CTNNA3: variants seen among roughly 807,000 people sequenced by gnomAD.
CTNNA3 encodes the protein catenin alpha 3.
CTNNA3 carries 76 observed loss-of-function variants against 95.7 expected under a neutral mutation model. The observed-to-expected ratio is 0.79, with a 90% CI of 0.66 to 0.96. The LOEUF (loss-of-function observed/expected upper bound fraction) is 0.96, where lower values mean the gene tolerates loss of function less well. Among genes scored for constraint, CTNNA3 ranks in the 40% least tolerant of loss-of-function variants. CTNNA3 has a pLI of 0.00. For synonymous variants in CTNNA3, 431 were observed against 374.4 expected (o/e 1.15, Z -1.74); for missense variants, 1,191 against 1,089.8 (o/e 1.09, Z -1.31).
intron 5 of CTNNA3, among the ~76,000 whole-genome samples, chr10:67,335,099 T>C (rs1841946136): frequency 6.6e-6 from 1 of 152,100 alleles, no homozygotes; most frequent in African/African-American, 2.4e-5. Flanking sequence ...CCACTGTCAG[T>C]ATGGGGTTTC....
intron 7 of CTNNA3, among the ~76,000 whole-genome samples, chr10:66,911,712 C>A (rs951620027): frequency 1.3e-5 from 2 of 152,144 alleles, no homozygotes; most frequent in Admixed American, 1.3e-4. Flanking sequence ...AAAATAATCT[C>A]AAAATCCCAA....
intron 9 of CTNNA3, among the ~76,000 whole-genome samples, chr10:66,625,773 G>C (rs956972346): frequency 3.3e-5 from 5 of 152,116 alleles, no homozygotes; most frequent in Non-Finnish European, 7.4e-5. Flanking sequence ...TCACTCAGCA[G>C]AGAACATAGT....
chr10:67,595,827 T>A (rs753301469), intron 3 of CTNNA3, among the ~76,000 whole-genome samples: 34 of 152,334 alleles, frequency 2.2e-4, no homozygotes, highest in Middle Eastern at 3.4e-3. Context: ...AGTACATACA[T>A]TTTTAGAATA....
At chr10:66,771,720 T>A (rs988056483) in intron 8 of CTNNA3, among the ~76,000 whole-genome samples, 6 of 152,076 alleles carry the variant, frequency 3.9e-5, no homozygotes, top group Non-Finnish European at 7.4e-5. Context: ...GTTTTAGGAA[T>A]AAAAATTAAT....
chr10:67,066,899 T>C (rs1210497890), intron 7 of CTNNA3, among the ~76,000 whole-genome samples: 2 of 152,224 alleles, frequency 1.3e-5, no homozygotes, highest in African/African-American at 4.8e-5. Context: ...GGTAAATTAA[T>C]ATGGAAGTTT....
intron 5 of CTNNA3, among the ~76,000 whole-genome samples, chr10:67,390,426 C>A (rs1001964668): frequency 6.6e-6 from 1 of 152,068 alleles, no homozygotes; most frequent in Non-Finnish European, 1.5e-5. Context: ...GCTTACCAAC[C>A]AAAAAGAGTC....
chr10:67,515,937 C>T (rs921712937), intron 5 of CTNNA3, among the ~76,000 whole-genome samples: 5 of 152,196 alleles, frequency 3.3e-5, no homozygotes, highest in Non-Finnish European at 7.4e-5. Context: ...ATTCCAGATA[C>T]ACATGTTCTT....
At chr10:67,374,337 C>G (rs1843610799) in intron 5 of CTNNA3, among the ~76,000 whole-genome samples, 1 of 152,162 alleles carries the variant, frequency 6.6e-6, no homozygotes, top group Admixed American at 6.5e-5. Flanking sequence ...TTGCCCAACT[C>G]TGTTCTGGAA....
At chr10:67,653,225 C>T (rs1026055035) in intron 1 of CTNNA3, among the ~76,000 whole-genome samples, 4 of 152,148 alleles carry the variant, frequency 2.6e-5, no homozygotes, top group African/African-American at 9.7e-5. Context: ...AGCCAGATCT[C>T]TCAAGAACTC....
chr10:66,229,780 T>C (rs988588061), intron 13 of CTNNA3, among the ~76,000 whole-genome samples: 19 of 152,132 alleles, frequency 1.2e-4, no homozygotes, highest in African/African-American at 4.3e-4. Flanking sequence ...ACTTAGGACA[T>C]TTTTAGCTAT....
chr10:66,313,989 C>T lies in CTNNA3; in HGVS notation c.1733-33368G>A, dbSNP rs1056156706. ...CCTGAATTTGAGACATACAAACTAT[C>T]TCATCCTCCCTGGCCCAGAAACTTT... On this transcript the variant is annotated intron_variant, in intron 12 of 17. Transcript: ENST00000433211. Among the ~76,000 whole-genome samples the T allele has an allele frequency of 3.9e-5, 6 of 152,188 alleles. No individual in the cohort carries two copies. In the South Asian group the frequency reaches 8.3e-4, roughly 21 times the overall value.
intron 12 of CTNNA3, among the ~76,000 whole-genome samples, chr10:66,320,262 G>C (rs2092162721): frequency 6.6e-6 from 1 of 151,896 alleles, no homozygotes; most frequent in Non-Finnish European, 1.5e-5. Flanking sequence ...TCTCCCTCTA[G>C]TTGTGATCTT....
At chr10:66,768,632 T>C (rs1026882594) in intron 8 of CTNNA3, among the ~76,000 whole-genome samples, 2 of 152,184 alleles carry the variant, frequency 1.3e-5, no homozygotes, top group Non-Finnish European at 2.9e-5. Flanking sequence ...AGTAAATATT[T>C]CTGGAAACCA....
At chr10:67,735,639 AAAAG>A (rs764961123) in intron 1 of CTNNA3, among the ~76,000 whole-genome samples, 13 of 152,200 alleles carry the variant, frequency 8.5e-5, no homozygotes, top group South Asian at 4.1e-4. Context: ...GTTTTTAAAA[AAAAG>A]AAAGAAAGAA....
rs181379535 is a variant in CTNNA3 at position 67,468,966 on chromosome 10, A to G, written c.579+52876T>C. Among the ~76,000 whole-genome samples, 8 of 152,306 alleles carry G rather than the reference A, an allele frequency of 5.3e-5. No individual in the cohort carries two copies. The East Asian group carries it at 1.5e-3, about 29-fold the overall frequency. On this transcript the variant is annotated intron_variant, in intron 5 of 17. Coordinates refer to ENST00000433211, the MANE Select transcript of CTNNA3 (RefSeq NM_013266.4). Reference sequence around the variant, plus strand: ...TGTTTTGATGAGAACTTGCATTCGTATAAGGAAGCTTAAGCTTAAGTTCAC... The same window carrying G: ...TGTTTTGATGAGAACTTGCATTCGTGTAAGGAAGCTTAAGCTTAAGTTCAC...
chr10:67,239,791 G>A (rs187563447), intron 5 of CTNNA3, among the ~76,000 whole-genome samples: 5 of 152,052 alleles, frequency 3.3e-5, no homozygotes, highest in African/African-American at 1.2e-4. Flanking sequence ...ATGTCATTAA[G>A]GGAAGAATGA....
intron 11 of CTNNA3, among the ~76,000 whole-genome samples, chr10:66,450,686 A>C (rs1589269908): frequency 6.6e-6 from 1 of 152,124 alleles, no homozygotes; most frequent in Non-Finnish European, 1.5e-5. Flanking sequence ...AATAGAAGAA[A>C]ATTGTGCTAA....
chr10:67,551,326 G>A (rs760129986), intron 3 of CTNNA3, among the ~76,000 whole-genome samples: 13 of 152,106 alleles, frequency 8.5e-5, no homozygotes, highest in Non-Finnish European at 1.8e-4. Context: ...GTGGAACGAC[G>A]TGGAGTTTTA....
At chr10:67,459,332 C>T (rs1847290071) in intron 5 of CTNNA3, among the ~76,000 whole-genome samples, 2 of 152,204 alleles carry the variant, frequency 1.3e-5, no homozygotes, top group East Asian at 1.9e-4. Flanking sequence ...ACATCATGTC[C>T]GAATATCAGG....
Sources: allele counts gnomAD v4.1 joint callset (sites outside exome capture counted in the v4.1 genomes callset), GRCh38; gene constraint gnomAD v4.1.1; transcripts MANE v1.5; gene names NCBI Gene and HGNC (gene_info 2026-07-23, HGNC 2026-07-21).